PRKCH: variants seen among roughly 807,000 people sequenced by gnomAD.
The protein encoded by PRKCH is protein kinase C eta.
Under a neutral mutation model 82.5 loss-of-function variants are expected in PRKCH, and 28 were observed. That is an observed-to-expected ratio of 0.34 (90% CI 0.25 to 0.47). The LOEUF is 0.47. Among genes scored for constraint, PRKCH ranks in the 20% least tolerant of loss-of-function variants. PRKCH has a pLI of 1.00. For synonymous variants in PRKCH, 322 were observed against 327.4 expected, an observed-to-expected ratio of 0.98 and a Z score of 0.18; for missense variants, 705 against 881.8, an observed-to-expected ratio of 0.80 and a Z score of 2.54.
chr14:61,395,350 A>G (rs1369874726), intron 2 of PRKCH, among the ~76,000 whole-genome samples: 10 of 140,818 alleles, frequency 7.1e-5, no homozygotes, highest in African/African-American at 2.5e-4. Context: ...CACTGAGAGC[A>G]TGTCCCTAGC....
chr14:61,272,554 A>G (rs1440760918), intron 1 of PRKCH, among the ~76,000 whole-genome samples: 2 of 151,722 alleles, frequency 1.3e-5, no homozygotes, highest in Non-Finnish European at 2.9e-5. Context: ...GGGTTTCACC[A>G]TGTCGGCCAG....
At chr14:61,365,355 T>G (rs2046285482) in intron 1 of PRKCH, among the ~76,000 whole-genome samples, 1 of 152,138 alleles carries the variant, frequency 6.6e-6, no homozygotes, top group Non-Finnish European at 1.5e-5. Flanking sequence ...TGAATATAAC[T>G]TATAATAATA....
At chr14:61,453,726 T>A (rs1884629243) in intron 7 of PRKCH, among the ~76,000 whole-genome samples, 1 of 151,740 alleles carries the variant, frequency 6.6e-6, no homozygotes. Context: ...CAATTATGGT[T>A]CTCTGCAGAC....
At chr14:61,513,098 G>C (rs1465936537) in intron 10 of PRKCH, among the ~76,000 whole-genome samples, 1 of 152,140 alleles carries the variant, frequency 6.6e-6, no homozygotes, top group Non-Finnish European at 1.5e-5. Context: ...GGGATTGGTA[G>C]CATAAAAGAT....
intron 12 of PRKCH, among the ~76,000 whole-genome samples, chr14:61,533,052 A>G (rs929271006): frequency 1.3e-5 from 2 of 152,220 alleles, no homozygotes; most frequent in African/African-American, 2.4e-5. Context: ...CCTGCCTCCC[A>G]GTCCTGTTAC....
chr14:61,220,057 A>T (rs2044642931), intron 1 of PRKCH, among the ~76,000 whole-genome samples: 1 of 152,182 alleles, frequency 6.6e-6, no homozygotes, highest in Non-Finnish European at 1.5e-5. Context: ...TCAGCGGTTC[A>T]TGGGAGACGC....
intron 2 of PRKCH, among the ~76,000 whole-genome samples, chr14:61,415,814 C>T (rs1424319823): frequency 1.3e-5 from 2 of 152,160 alleles, no homozygotes; most frequent in Non-Finnish European, 1.5e-5. Context: ...AACTGAAATT[C>T]TATACCCATT....
At chr14:61,528,973 C>CGTGTGTGGGTGTGTGT in intron 10 of PRKCH, 102 bp from the exon 11 acceptor site, 1 of 565,718 alleles carries the variant, frequency 1.8e-6, no homozygotes, top group Non-Finnish European at 2.6e-6. Flanking sequence ...TGTGGCCGCA[C>CGTGTGTGGGTGTGTGT]GTGTGTGTGT....
chr14:61,423,467 C>A (rs1387147440), intron 2 of PRKCH, among the ~76,000 whole-genome samples: 1 of 152,192 alleles, frequency 6.6e-6, no homozygotes, highest in East Asian at 1.9e-4. Context: ...TAGAATGATG[C>A]AGTGACTGAG....
intron 1 of PRKCH, among the ~76,000 whole-genome samples, chr14:61,335,651 T>C (rs554693160): frequency 6.6e-6 from 1 of 152,238 alleles, no homozygotes; most frequent in Admixed American, 6.5e-5. Flanking sequence ...CATTTACTTT[T>C]TGGATTATAA....
chr14:61,206,691 C>T (rs970900066), intron 1 of PRKCH, among the ~76,000 whole-genome samples: 2 of 151,994 alleles, frequency 1.3e-5, no homozygotes, highest in Non-Finnish European at 2.9e-5. Context: ...ATGCAATATG[C>T]AGATTCAGCA....
Position 61,543,057 on chromosome 14 carries a change from G to A in PRKCH, c.1762-4686G>A, listed in dbSNP as rs146224251. On this transcript the variant is annotated intron_variant, in intron 12 of 13. Coordinates refer to ENST00000332981, the MANE Select transcript of PRKCH (RefSeq NM_006255.5). ...GTCCACAGTCACACAGTAACTCAGT[G>A]GTGAAAGAATGATACAAACACAAGC... Among the ~76,000 whole-genome samples the A allele has an allele frequency of 2.0e-3, 303 of 152,326 alleles. 2 individuals are homozygous for A. The highest frequency in any genetic ancestry group is 6.9e-3 in the African/African-American group (286 of 41,564).
chr14:61,525,998 C>T (rs1302567851), intron 10 of PRKCH, among the ~76,000 whole-genome samples: 2 of 152,166 alleles, frequency 1.3e-5, no homozygotes, highest in Non-Finnish European at 2.9e-5. Flanking sequence ...GAGCCAGGCA[C>T]CCAGGCCTTA....
intron 9 of PRKCH, 106 bp from the exon 10 acceptor site, chr14:61,485,396 A>AGG (rs1886173152): frequency 7.2e-7 from 1 of 1,385,186 alleles, no homozygotes; most frequent in East Asian, 2.3e-5. Context: ...GAATACATCC[A>AGG]CTTGACAGTG....
At chr14:61,414,559 C>T (rs147666836) in intron 2 of PRKCH, among the ~76,000 whole-genome samples, 3 of 151,704 alleles carry the variant, frequency 2.0e-5, no homozygotes, top group African/African-American at 7.3e-5. Context: ...AGGCATGAGC[C>T]ACTGTGCCCG....
At chr14:61,239,957 T>A (rs2044822038) in intron 1 of PRKCH, among the ~76,000 whole-genome samples, 1 of 152,206 alleles carries the variant, frequency 6.6e-6, no homozygotes, top group Admixed American at 6.5e-5. Context: ...ATATTTTACT[T>A]TTTTGTTGTT....
chr14:61,428,074 GAT>G (rs1023647990), intron 2 of PRKCH, among the ~76,000 whole-genome samples: 9 of 83,178 alleles, frequency 1.1e-4, no homozygotes, highest in African/African-American at 3.5e-4. Flanking sequence ...TAGATAGATA[GAT>G]ACACACACAC....
intron 10 of PRKCH, among the ~76,000 whole-genome samples, chr14:61,495,184 T>G (rs766731423): frequency 6.6e-6 from 1 of 152,192 alleles, no homozygotes; most frequent in African/African-American, 2.4e-5. Context: ...GTAATGCAGT[T>G]TCTCAAAGGA....
chr14:61,441,818 TA>T (rs1167079176), intron 2 of PRKCH, among the ~76,000 whole-genome samples: 3 of 151,850 alleles, frequency 2.0e-5, no homozygotes, highest in Non-Finnish European at 4.4e-5. Context: ...ATTATCCCTT[TA>T]AAAAAATTTT....
Sources: allele counts gnomAD v4.1 joint callset (sites outside exome capture counted in the v4.1 genomes callset), GRCh38; gene constraint gnomAD v4.1.1; transcripts MANE v1.5; gene names NCBI Gene and HGNC (gene_info 2026-07-23, HGNC 2026-07-21).